LHFPL3: variants seen among roughly 807,000 people sequenced by gnomAD.
The protein encoded by LHFPL3 is LHFPL tetraspan subfamily member 3 protein.
In LHFPL3, 5 loss-of-function variants were observed where a neutral mutation model predicts 19.3. That is an observed-to-expected ratio of 0.26 (90% CI 0.14 to 0.54). LHFPL3 has a LOEUF of 0.54. Ranked by LOEUF, LHFPL3 falls within the 20% of genes least tolerant of loss-of-function variation. The pLI, the probability that LHFPL3 is intolerant of heterozygous loss-of-function variation, is 0.94. For synonymous variants in LHFPL3, 133 were observed against 126.2 expected, an observed-to-expected ratio of 1.05 and a Z score of -0.36; for missense variants, 249 against 307.4, an observed-to-expected ratio of 0.81 and a Z score of 1.42.
At chr7:104,661,701 C>T (rs959621766) in intron 1 of LHFPL3, among the ~76,000 whole-genome samples, 3 of 152,124 alleles carry the variant, frequency 2.0e-5, no homozygotes, top group Non-Finnish European at 4.4e-5. Context: ...CTAGATAGAC[C>T]ATGCAGAAAT....
At chr7:104,714,447 A>G (rs963729591) in intron 1 of LHFPL3, among the ~76,000 whole-genome samples, 1 of 152,178 alleles carries the variant, frequency 6.6e-6, no homozygotes, top group Admixed American at 6.5e-5. Context: ...ACTTTAAGGA[A>G]AGTCTGATGA....
intron 1 of LHFPL3, among the ~76,000 whole-genome samples, chr7:104,428,009 G>A (rs1791881843): frequency 6.6e-6 from 1 of 152,184 alleles, no homozygotes; most frequent in South Asian, 2.1e-4. Context: ...GATGGAAAAT[G>A]CCATCCCAGT....
rs574425883 is a variant in LHFPL3, at chr7:104,850,243, G to A, written c.683-55944G>A. On this transcript the variant is annotated intron_variant, in intron 2 of 2. Transcript: ENST00000424859. ...CTTGAACCTGGGAGGCAGAGGTTGCGGTGAGCCGAGATCACACCATTGCAC... is the reference window on the plus strand; with the variant it reads ...CTTGAACCTGGGAGGCAGAGGTTGCAGTGAGCCGAGATCACACCATTGCAC... Among the ~76,000 whole-genome samples the A allele has an allele frequency of 5.3e-5, 8 of 152,136 alleles. No individual in the cohort carries two copies. In the East Asian group the frequency reaches 7.7e-4, roughly 15 times the overall value.
intron 1 of LHFPL3, among the ~76,000 whole-genome samples, chr7:104,714,580 C>A (rs1793353791): frequency 2.0e-5 from 3 of 151,364 alleles, no homozygotes; most frequent in South Asian, 2.1e-4. Flanking sequence ...GTTCATATAA[C>A]CTTAATCTTA....
intron 2 of LHFPL3, among the ~76,000 whole-genome samples, chr7:104,781,966 A>G (rs1397019584): frequency 6.6e-6 from 1 of 152,180 alleles, no homozygotes; most frequent in Non-Finnish European, 1.5e-5. Context: ...GTTATCTATT[A>G]TCATACAGCA....
chr7:104,590,271 C>T (rs1241717903), intron 1 of LHFPL3, among the ~76,000 whole-genome samples: 1 of 152,082 alleles, frequency 6.6e-6, no homozygotes, highest in African/African-American at 2.4e-5. Context: ...TTTCCCTCTG[C>T]ACACTGCTTT....
At chr7:104,763,941 A>G (rs966719574) in intron 2 of LHFPL3, among the ~76,000 whole-genome samples, 2 of 152,340 alleles carry the variant, frequency 1.3e-5, no homozygotes, top group Middle Eastern at 6.8e-3. Flanking sequence ...ATAAGGATAC[A>G]TGGAAATATC....
chr7:104,812,271 A>G (rs184693105), intron 2 of LHFPL3, among the ~76,000 whole-genome samples: 2 of 152,364 alleles, frequency 1.3e-5, no homozygotes, highest in East Asian at 3.9e-4. Flanking sequence ...GATGAGCTCA[A>G]AGAGAAAAGA....
chr7:104,896,757 T>C (rs1792367961), intron 2 of LHFPL3, among the ~76,000 whole-genome samples: 1 of 151,974 alleles, frequency 6.6e-6, no homozygotes, highest in Non-Finnish European at 1.5e-5. Flanking sequence ...TGCTAGGCAG[T>C]TATGCATATT....
chr7:104,387,071 G>A (rs1298943411), intron 1 of LHFPL3, among the ~76,000 whole-genome samples: 1 of 152,058 alleles, frequency 6.6e-6, no homozygotes, highest in Non-Finnish European at 1.5e-5. Flanking sequence ...CTTTAAATCA[G>A]CTATTACAAA....
At chr7:104,423,675 A>G (rs1791778553) in intron 1 of LHFPL3, among the ~76,000 whole-genome samples, 1 of 151,870 alleles carries the variant, frequency 6.6e-6, no homozygotes, top group Non-Finnish European at 1.5e-5. Flanking sequence ...CAAACAACAA[A>G]CAAACAGAAA....
chr7:104,592,987 G>C (rs1180296235), intron 1 of LHFPL3, among the ~76,000 whole-genome samples: 1 of 152,152 alleles, frequency 6.6e-6, no homozygotes, highest in Non-Finnish European at 1.5e-5. Flanking sequence ...AATGAAACCA[G>C]CTCCTGGATT....
At position 104,446,630 on chromosome 7, in the gene LHFPL3, C is replaced by T. The variant is rs113824853; in HGVS notation, c.445+117406C>T. Among the ~76,000 whole-genome samples the T allele has an allele frequency of 7.1e-3, 1,086 of 152,194 alleles. 10 individuals carry two copies. Among genetic ancestry groups the T allele is most frequent in the African/African-American group, 0.025 (1,035 of 41,520 alleles). ...TCACTCTGTTGCCCAGGCTGGAGTG[C>T]AGTGGCATGACCTTGGCTCACTGCA... On this transcript the variant is annotated intron_variant, in intron 1 of 2. Transcript: ENST00000424859.
At chr7:104,504,760 C>A (rs552237419) in intron 1 of LHFPL3, among the ~76,000 whole-genome samples, 1 of 152,122 alleles carries the variant, frequency 6.6e-6, no homozygotes, top group East Asian at 1.9e-4. Context: ...GTTTGTGATA[C>A]CATTAAAACC....
At chr7:104,643,553 G>A (rs965008967) in intron 1 of LHFPL3, among the ~76,000 whole-genome samples, 2 of 152,146 alleles carry the variant, frequency 1.3e-5, no homozygotes, top group Non-Finnish European at 2.9e-5. Context: ...GGTAAAACTA[G>A]AGCAGTAAAG....
intron 2 of LHFPL3, among the ~76,000 whole-genome samples, chr7:104,881,595 G>C (rs975017237): frequency 6.6e-6 from 1 of 152,214 alleles, no homozygotes; most frequent in Non-Finnish European, 1.5e-5. Context: ...GTGGTTTCTT[G>C]AGATGGAACC....
chr7:104,808,739 C>T (rs900171826), intron 2 of LHFPL3, among the ~76,000 whole-genome samples: 3 of 152,028 alleles, frequency 2.0e-5, no homozygotes, highest in African/African-American at 4.8e-5. Flanking sequence ...ACTCTAAGGC[C>T]GGTGAGTCTA....
intron 1 of LHFPL3, among the ~76,000 whole-genome samples, chr7:104,510,036 G>A (rs899876689): frequency 1.3e-5 from 2 of 152,194 alleles, no homozygotes; most frequent in East Asian, 1.9e-4. Flanking sequence ...CCTAAAACAT[G>A]TACAGGACTT....
At chr7:104,484,558 A>T (rs1412121856) in intron 1 of LHFPL3, among the ~76,000 whole-genome samples, 2 of 152,210 alleles carry the variant, frequency 1.3e-5, no homozygotes, top group Non-Finnish European at 2.9e-5. Context: ...CCTGAGGCAG[A>T]TGAGGCAAAA....
Sources: allele counts gnomAD v4.1 joint callset (sites outside exome capture counted in the v4.1 genomes callset), GRCh38; gene constraint gnomAD v4.1.1; transcripts MANE v1.5; gene names NCBI Gene and HGNC (gene_info 2026-07-23, HGNC 2026-07-21).